Variants in KCNH5 observed in about 807,000 individuals in gnomAD.
KCNH5 encodes the protein potassium voltage-gated channel subfamily H member 5.
Under a neutral mutation model 96.1 loss-of-function variants are expected in KCNH5, and 46 were observed. That is an observed-to-expected ratio of 0.48 (90% CI 0.38 to 0.61). The LOEUF is 0.61. Ranked by LOEUF, KCNH5 falls within the 20% of genes least tolerant of loss-of-function variation. The pLI is 0.00. For missense variants in KCNH5, 907 were observed against 1,225.8 expected (o/e 0.74, Z 3.88); for synonymous variants, 439 against 449.8 (o/e 0.98, Z 0.30).
chr14:62,922,789 A>G lies in KCNH5; in HGVS notation c.1369+27344T>C, dbSNP rs572845706. Among the ~76,000 whole-genome samples, 11 of 152,090 alleles carry G rather than the reference A, an allele frequency of 7.2e-5. No individual in the cohort carries two copies. In the East Asian group the frequency reaches 2.1e-3, roughly 29 times the overall value. ...TCAACACATTAGGTATAGGAAGAATATACCTCAACTCAATAAAGGCTATAT... is the reference window on the plus strand; with the variant it reads ...TCAACACATTAGGTATAGGAAGAATGTACCTCAACTCAATAAAGGCTATAT... On this transcript the variant is annotated intron_variant, in intron 7 of 10. Coordinates refer to ENST00000322893, the MANE Select transcript of KCNH5 (RefSeq NM_139318.5).
At chr14:62,764,353 G>A (rs1031908187) in intron 10 of KCNH5, among the ~76,000 whole-genome samples, 7 of 152,026 alleles carry the variant, frequency 4.6e-5, no homozygotes, top group African/African-American at 1.7e-4. Context: ...CAACAAACTA[G>A]ACATTAAAGG....
intron 1 of KCNH5, among the ~76,000 whole-genome samples, chr14:63,020,488 A>T (rs1891404531): frequency 1.3e-5 from 2 of 152,120 alleles, no homozygotes; most frequent in Non-Finnish European, 2.9e-5. Flanking sequence ...GGAACAAAAA[A>T]CTTCTGACAC....
chr14:62,722,604 A>G (rs1183268169), intron 10 of KCNH5, among the ~76,000 whole-genome samples: 1 of 152,242 alleles, frequency 6.6e-6, no homozygotes, highest in Non-Finnish European at 1.5e-5. Context: ...ATGAATCACT[A>G]AAGTTATGAC....
At chr14:62,982,321 C>T (rs144834928) in intron 5 of KCNH5, among the ~76,000 whole-genome samples, 65 of 151,824 alleles carry the variant, frequency 4.3e-4, no homozygotes, top group African/African-American at 1.4e-3. Context: ...GAGCGAGACT[C>T]CGTCTCAAAA....
At chr14:63,032,971 A>C (rs1437313125) in intron 1 of KCNH5, among the ~76,000 whole-genome samples, 1 of 152,098 alleles carries the variant, frequency 6.6e-6, no homozygotes, top group East Asian at 1.9e-4. Context: ...CTTGGGAGTC[A>C]TCCTTCACAC....
intron 9 of KCNH5, among the ~76,000 whole-genome samples, chr14:62,784,260 T>A (rs999918394): frequency 2.0e-5 from 3 of 152,132 alleles, no homozygotes; most frequent in Non-Finnish European, 2.9e-5. Flanking sequence ...GAGAACAGTA[T>A]GGGGGAAACT....
intron 7 of KCNH5, among the ~76,000 whole-genome samples, chr14:62,856,707 T>C (rs1887936563): frequency 6.6e-6 from 1 of 152,122 alleles, no homozygotes; most frequent in Non-Finnish European, 1.5e-5. Context: ...CTGGCTTCGC[T>C]GGATGCTCTT....
chr14:62,745,038 C>T (rs1595603541), intron 10 of KCNH5, among the ~76,000 whole-genome samples: 1 of 152,164 alleles, frequency 6.6e-6, no homozygotes, highest in African/African-American at 2.4e-5. Context: ...AGACGGTGCC[C>T]TCTACATTTT....
chr14:62,997,569 A>T (rs1890928983), intron 4 of KCNH5, among the ~76,000 whole-genome samples: 1 of 152,122 alleles, frequency 6.6e-6, no homozygotes, highest in Non-Finnish European at 1.5e-5. Context: ...GATAAACCCC[A>T]CTTGGTTGTC....
At chr14:62,825,033 G>A (rs960368220) in intron 8 of KCNH5, among the ~76,000 whole-genome samples, 2 of 151,954 alleles carry the variant, frequency 1.3e-5, no homozygotes, top group Admixed American at 1.3e-4. Context: ...TTGATCCCAT[G>A]TCTTTGCTAT....
At chr14:62,886,873 A>G (rs1167141964) in intron 7 of KCNH5, among the ~76,000 whole-genome samples, 2 of 152,232 alleles carry the variant, frequency 1.3e-5, no homozygotes, top group African/African-American at 4.8e-5. Context: ...ATTAGATGAT[A>G]TCATTTAATA....
intron 7 of KCNH5, among the ~76,000 whole-genome samples, chr14:62,863,776 A>G (rs1445944855): frequency 6.6e-6 from 1 of 152,192 alleles, no homozygotes; most frequent in Non-Finnish European, 1.5e-5. Context: ...ACAGTTGTAA[A>G]CCAGGCAGCC....
At chr14:62,778,631 C>A (rs1366905500) in intron 10 of KCNH5, among the ~76,000 whole-genome samples, 4 of 152,196 alleles carry the variant, frequency 2.6e-5, no homozygotes, top group African/African-American at 9.7e-5. Flanking sequence ...ACATAATATT[C>A]ACATCTAACT....
intron 10 of KCNH5, among the ~76,000 whole-genome samples, chr14:62,751,092 A>T (rs190743655): frequency 6.6e-6 from 1 of 152,294 alleles, no homozygotes. Flanking sequence ...TATAAGGAGC[A>T]TCTAGCAACA....
At chr14:62,904,645 T>C (rs1311388575) in intron 7 of KCNH5, among the ~76,000 whole-genome samples, 7 of 152,324 alleles carry the variant, frequency 4.6e-5, no homozygotes, top group African/African-American at 1.7e-4. Flanking sequence ...AAAAACATTT[T>C]CTTTTAGACA....
In KCNH5 at chr14:62,826,369, T is replaced by A. The variant is rs569398705; in HGVS notation, c.1569+23284A>T. ...CCATCTCTTTATGTTTGGCTTTTAT[T>A]ATTGTTGAGATTTTGTGTGTGTGTG... is the stretch of plus-strand genomic sequence containing the variant. On this transcript the variant is annotated intron_variant, in intron 8 of 10. Coordinates refer to ENST00000322893, the MANE Select transcript of KCNH5 (RefSeq NM_139318.5). Among the ~76,000 whole-genome samples the A allele has an allele frequency of 1.1e-4, 17 of 150,886 alleles. No homozygotes were observed. In the South Asian group the frequency reaches 2.7e-3, roughly 24 times the overall value.
At chr14:62,890,679 A>T (rs1382425960) in intron 7 of KCNH5, among the ~76,000 whole-genome samples, 1 of 145,310 alleles carries the variant, frequency 6.9e-6, no homozygotes, top group African/African-American at 2.6e-5. Context: ...AGCCTGGGGG[A>T]CAGAGCGAGA....
chr14:62,750,692 C>T (rs1301332673), intron 10 of KCNH5, among the ~76,000 whole-genome samples: 1 of 152,178 alleles, frequency 6.6e-6, no homozygotes, highest in Non-Finnish European at 1.5e-5. Flanking sequence ...AGTCCCTGTT[C>T]CTTCTAGATA....
At chr14:62,719,254 G>T (rs1481047528) in intron 10 of KCNH5, among the ~76,000 whole-genome samples, 1 of 152,230 alleles carries the variant, frequency 6.6e-6, no homozygotes, top group Non-Finnish European at 1.5e-5. Context: ...TCAAAATTAT[G>T]AAGAATTTCA....
Sources: allele counts gnomAD v4.1 joint callset (sites outside exome capture counted in the v4.1 genomes callset), GRCh38; gene constraint gnomAD v4.1.1; transcripts MANE v1.5; gene names NCBI Gene and HGNC (gene_info 2026-07-23, HGNC 2026-07-21).